Variants in PARD3 observed in about 807,000 individuals in gnomAD.
The protein encoded by PARD3 is partitioning defective 3 homolog.
Under a neutral mutation model 155.4 loss-of-function variants are expected in PARD3, and 75 were observed. The observed-to-expected ratio is 0.48, with a 90% CI of 0.40 to 0.58. PARD3 has a LOEUF of 0.58. PARD3 is among the 20% of genes least tolerant of loss of function. The pLI is 0.00. For synonymous variants in PARD3, 576 were observed against 610.5 expected (o/e 0.94, Z 0.83); for missense variants, 1,642 against 1,721.7 (o/e 0.95, Z 0.82).
rs891218926 is a variant in PARD3 at position 34,653,812 on chromosome 10, A to G, written c.222+42506T>C. ...TCGACTCCAAAAAAAAAAAAAAAAA[A>G]TGTATATGAAGATGGGATTTCTGGC... On this transcript the variant is annotated intron_variant, in intron 2 of 24. Transcript: ENST00000374788. Among the ~76,000 whole-genome samples, 84 of 146,090 alleles carry G rather than the reference A, an allele frequency of 5.7e-4. No homozygotes were observed. In the East Asian group the frequency reaches 0.016, roughly 29 times the overall value.
intron 1 of PARD3, among the ~76,000 whole-genome samples, chr10:34,768,065 C>T (rs77195556): frequency 0.014 from 2,081 of 152,260 alleles, 56 homozygotes; most frequent in African/African-American, 0.046. Context: ...CATCTCCTTA[C>T]GTTGTCAGTC....
rs115863225 is a variant in PARD3 at position 34,812,296 on chromosome 10, A to G, written c.120+2580T>C. Among the ~76,000 whole-genome samples, 326 of 152,284 alleles carry G rather than the reference A, an allele frequency of 2.1e-3. 2 individuals carry two copies. Among genetic ancestry groups the G allele is most frequent in the African/African-American group, 7.5e-3 (310 of 41,550 alleles). On this transcript the variant is annotated intron_variant, in intron 1 of 24. Coordinates refer to ENST00000374788, the MANE Select transcript of PARD3 (RefSeq NM_001184785.2). ...GGTTGGTTATTATCCAAAGCCATAA[A>G]CATGATCTGCCCACACTTTTCCCCA...
chr10:34,254,290 A>G (rs918388958), intron 22 of PARD3, among the ~76,000 whole-genome samples: 1 of 152,094 alleles, frequency 6.6e-6, no homozygotes, highest in African/African-American at 2.4e-5. Context: ...GAGGCAGAAG[A>G]ATGGCGTGAA....
Position 34,336,967 on chromosome 10 carries a change from C to T in PARD3, c.2560+308G>A, listed in dbSNP as rs557319102. 3.3e-5 allele frequency among the ~76,000 whole-genome samples: 5 copies of T among 150,300 alleles called. No individual in the cohort carries two copies. The East Asian group carries it at 7.7e-4, about 23-fold the overall frequency. On this transcript the variant is annotated intron_variant, in intron 17 of 24. Coordinates refer to ENST00000374788, the MANE Select transcript of PARD3 (RefSeq NM_001184785.2). ...TTTCAATGAAATTGGTTTTAAATAG[C>T]CAAAGTGTTAAAACATTTCATTTTG... is the stretch of plus-strand genomic sequence containing the variant.
chr10:34,165,432 C>G (rs560123653), intron 22 of PARD3, among the ~76,000 whole-genome samples: 1 of 152,286 alleles, frequency 6.6e-6, no homozygotes, highest in South Asian at 2.1e-4. Flanking sequence ...ATTTTAAGAG[C>G]CAGAACCATG....
At chr10:34,181,826 C>T (rs1660628) in intron 22 of PARD3, among the ~76,000 whole-genome samples, 50,958 of 151,868 alleles carry the variant, frequency 0.34, 10,170 homozygotes, top group African/African-American at 0.56. Flanking sequence ...TCGCTACCGA[C>T]AGTGCATCTG....
chr10:34,580,709 G>A (rs1298246533), intron 2 of PARD3, among the ~76,000 whole-genome samples: 1 of 152,156 alleles, frequency 6.6e-6, no homozygotes, highest in Non-Finnish European at 1.5e-5. Context: ...TTTTAAGCTT[G>A]AAACTGTGAT....
At chr10:34,814,361 C>G (rs568257742) in intron 1 of PARD3, among the ~76,000 whole-genome samples, 1 of 152,096 alleles carries the variant, frequency 6.6e-6, no homozygotes, top group Non-Finnish European at 1.5e-5. Flanking sequence ...TGTTCCGCCC[C>G]CGCCCGAGTA....
intron 22 of PARD3, among the ~76,000 whole-genome samples, chr10:34,133,019 T>A (rs1947694747): frequency 6.6e-6 from 1 of 151,916 alleles, no homozygotes; most frequent in Admixed American, 6.6e-5. Context: ...TCCCACCCCA[T>A]CCCCTTTCCA....
chr10:34,329,396 T>A (rs546299823), intron 19 of PARD3, among the ~76,000 whole-genome samples: 1 of 152,208 alleles, frequency 6.6e-6, no homozygotes, highest in Admixed American at 6.5e-5. Flanking sequence ...TTTGATTAAA[T>A]ATACACCCAA....
chr10:34,530,618 A>G (rs56347608), intron 2 of PARD3, among the ~76,000 whole-genome samples: 6 of 152,208 alleles, frequency 3.9e-5, no homozygotes, highest in Non-Finnish European at 8.8e-5. Context: ...TTTGTTGTCA[A>G]TTTTGTGAAG....
intron 2 of PARD3, among the ~76,000 whole-genome samples, chr10:34,603,716 G>A (rs1272078545): frequency 6.6e-6 from 1 of 152,316 alleles, no homozygotes. Flanking sequence ...AGAAGGATCA[G>A]AGGAGGCAGA....
At chr10:34,171,747 C>A (rs1301426769) in intron 22 of PARD3, among the ~76,000 whole-genome samples, 1 of 151,722 alleles carries the variant, frequency 6.6e-6, no homozygotes, top group African/African-American at 2.4e-5. Flanking sequence ...GTCAGGAGTT[C>A]AAGACCAGCC....
intron 2 of PARD3, among the ~76,000 whole-genome samples, chr10:34,527,094 A>C (rs2133758842): frequency 6.6e-6 from 1 of 152,356 alleles, no homozygotes; most frequent in African/African-American, 2.4e-5. Context: ...ATTTAAAATG[A>C]GAAGCACTAG....
chr10:34,267,441 A>G (rs918086639), intron 22 of PARD3, among the ~76,000 whole-genome samples: 2 of 152,230 alleles, frequency 1.3e-5, no homozygotes, highest in Non-Finnish European at 2.9e-5. Flanking sequence ...TTATTCAGTC[A>G]TTATAGTCAA....
chr10:34,730,997 G>C (rs1458324759), intron 1 of PARD3, among the ~76,000 whole-genome samples: 1 of 151,976 alleles, frequency 6.6e-6, no homozygotes, highest in Non-Finnish European at 1.5e-5. Context: ...ACAACATTGT[G>C]CCCCAAACTT....
At chr10:34,620,319 A>C (rs1226746052) in intron 2 of PARD3, among the ~76,000 whole-genome samples, 4 of 152,196 alleles carry the variant, frequency 2.6e-5, no homozygotes, top group Non-Finnish European at 4.4e-5. Flanking sequence ...CCCATTTATA[A>C]GGTCCAAATT....
intron 22 of PARD3, among the ~76,000 whole-genome samples, chr10:34,227,563 G>A (rs901553941): frequency 3.3e-5 from 5 of 152,122 alleles, no homozygotes; most frequent in African/African-American, 7.2e-5. Flanking sequence ...GCTTGAACCC[G>A]GGAGGCAGAG....
At chr10:34,178,243 A>G (rs1489697307) in intron 22 of PARD3, among the ~76,000 whole-genome samples, 1 of 152,226 alleles carries the variant, frequency 6.6e-6, no homozygotes, top group Non-Finnish European at 1.5e-5. Flanking sequence ...TGCCTCTGAC[A>G]TAATTACCTA....
Sources: gnomAD v4.1 joint callset for allele counts (sites outside exome capture counted in the v4.1 genomes callset) on GRCh38, gnomAD v4.1.1 for gene constraint, MANE v1.5 for transcripts, NCBI Gene and HGNC (gene_info 2026-07-23, HGNC 2026-07-21) for gene names.